The following INPP4B variants were observed in gnomAD, a reference collection of about 807,000 sequenced individuals.
INPP4B encodes the protein inositol polyphosphate 4-phosphatase type II.
A neutral mutation model predicts 122.5 loss-of-function variants in INPP4B; 55 were observed. That is an observed-to-expected ratio of 0.45 (90% CI 0.36 to 0.56). The LOEUF (loss-of-function observed/expected upper bound fraction) is 0.56. INPP4B is among the 20% of genes least tolerant of loss of function. The probability of loss-of-function intolerance (pLI) is 0.00; values close to 1 mark genes in which losing one functional copy is unlikely to be tolerated. For missense variants in INPP4B, 1,000 were observed against 1,097.7 expected (o/e 0.91, Z 1.26); for synonymous variants, 403 against 388.7 (o/e 1.04, Z -0.43).
chr4:142,776,264 G>A (rs1773902723), intron 1 of INPP4B, among the ~76,000 whole-genome samples: 1 of 152,138 alleles, frequency 6.6e-6, no homozygotes, highest in African/African-American at 2.4e-5. Flanking sequence ...AAGTAGTGCT[G>A]CTCAGTATGT....
intron 7 of INPP4B, among the ~76,000 whole-genome samples, chr4:142,343,124 T>C (rs187418269): frequency 2.0e-5 from 3 of 152,238 alleles, no homozygotes; most frequent in Admixed American, 2.0e-4. Flanking sequence ...ATAAGAATCA[T>C]CATCAAAAAG....
intron 12 of INPP4B, among the ~76,000 whole-genome samples, chr4:142,221,002 G>A (rs1410045723): frequency 6.6e-6 from 1 of 152,038 alleles, no homozygotes; most frequent in Admixed American, 6.5e-5. Flanking sequence ...TAGTACTGGG[G>A]CTAGGGCTTC....
At chr4:142,844,675 C>T (rs1783969036) in intron 1 of INPP4B, among the ~76,000 whole-genome samples, 1 of 152,216 alleles carries the variant, frequency 6.6e-6, no homozygotes, top group South Asian at 2.1e-4. Context: ...TGCCCACTTG[C>T]CCAGTCCTTG....
intron 15 of INPP4B, among the ~76,000 whole-genome samples, chr4:142,188,158 T>C (rs1375843453): frequency 6.6e-6 from 1 of 152,084 alleles, no homozygotes; most frequent in Non-Finnish European, 1.5e-5. Flanking sequence ...TATTAAAATA[T>C]ATATCAATAA....
At chr4:142,091,400 G>A (rs1257593933) in intron 23 of INPP4B, among the ~76,000 whole-genome samples, 2 of 152,158 alleles carry the variant, frequency 1.3e-5, no homozygotes, top group Non-Finnish European at 2.9e-5. Flanking sequence ...TCATTGACCA[G>A]TAATGGAAAA....
At chr4:142,627,684 T>A (rs1314147834) in intron 2 of INPP4B, among the ~76,000 whole-genome samples, 17 of 151,474 alleles carry the variant, frequency 1.1e-4, no homozygotes, top group Non-Finnish European at 1.3e-4. Flanking sequence ...TTTTCACGAA[T>A]GTTCATCAAG....
intron 11 of INPP4B, among the ~76,000 whole-genome samples, chr4:142,242,838 G>A (rs1860165636): frequency 6.6e-6 from 1 of 152,170 alleles, no homozygotes; most frequent in Admixed American, 6.5e-5. Context: ...ACAGTAGTCT[G>A]TTTAGTGGTC....
intron 2 of INPP4B, among the ~76,000 whole-genome samples, chr4:142,700,061 A>T (rs1190706829): frequency 6.6e-6 from 1 of 152,158 alleles, no homozygotes; most frequent in Admixed American, 6.5e-5. Flanking sequence ...CTCCCTGTAT[A>T]GTAAAGCATC....
chr4:142,107,736 A>G (rs920092145), intron 23 of INPP4B, among the ~76,000 whole-genome samples: 3 of 152,138 alleles, frequency 2.0e-5, no homozygotes, highest in African/African-American at 7.2e-5. Context: ...TTATAAATGG[A>G]GACTTAAATC....
At chr4:142,106,003 A>G (rs897980304) in intron 23 of INPP4B, among the ~76,000 whole-genome samples, 1 of 152,186 alleles carries the variant, frequency 6.6e-6, no homozygotes, top group Non-Finnish European at 1.5e-5. Flanking sequence ...GAATAAACCC[A>G]TATGTCATCA....
intron 7 of INPP4B, among the ~76,000 whole-genome samples, chr4:142,399,195 T>C (rs1228268819): frequency 1.8e-4 from 22 of 122,728 alleles, no homozygotes; most frequent in African/African-American, 6.8e-4. Context: ...TTTGCTTTTT[T>C]TTTTTTTTTT....
intron 16 of INPP4B, among the ~76,000 whole-genome samples, chr4:142,168,666 C>G (rs747895231): frequency 2.6e-5 from 4 of 151,638 alleles, no homozygotes; most frequent in Non-Finnish European, 5.9e-5. Flanking sequence ...GTGTGACCAC[C>G]AGGAATTGTT....
At chr4:142,058,906 G>A (rs1759139239) in intron 25 of INPP4B, among the ~76,000 whole-genome samples, 1 of 152,078 alleles carries the variant, frequency 6.6e-6, no homozygotes, top group South Asian at 2.1e-4. Flanking sequence ...GAAAGATTAT[G>A]TTTTCGTTTT....
chr4:142,124,855 T>A, intron 18 of INPP4B, 95 bp from the exon 19 acceptor site: 1 of 916,830 alleles, frequency 1.1e-6, no homozygotes, highest in Non-Finnish European at 1.5e-6. Flanking sequence ...AATTTTTCAG[T>A]AAGTTAGACA....
rs75800585 is a variant in INPP4B at position 142,184,695 on chromosome 4, G to A, written c.1181+8392C>T. 3.0e-3 allele frequency among the ~76,000 whole-genome samples: 452 copies of A among 152,288 alleles called. 1 individual carries two copies. The highest frequency in any genetic ancestry group is 0.01 in the African/African-American group (418 of 41,544). The stretch of plus-strand genomic sequence containing the variant: ...CAGTCTAGAGGGATTTTGTACACTG[G>A]AGACTTAAAGCAGACTTGGCTTAGA... On this transcript the variant is annotated intron_variant, in intron 15 of 25. Transcript: ENST00000262992.
chr4:142,545,737 A>ACGTGTG (rs1829509746), intron 2 of INPP4B, among the ~76,000 whole-genome samples: 1 of 100,670 alleles, frequency 9.9e-6, no homozygotes. Context: ...ATATACACAT[A>ACGTGTG]TATGTGTATA....
intron 12 of INPP4B, among the ~76,000 whole-genome samples, chr4:142,226,915 A>C (rs1299521091): frequency 6.6e-6 from 1 of 152,326 alleles, no homozygotes; most frequent in South Asian, 2.1e-4. Flanking sequence ...GAACTGAGAT[A>C]GGAACTAATT....
intron 7 of INPP4B, among the ~76,000 whole-genome samples, chr4:142,385,966 C>T (rs1795837003): frequency 6.6e-6 from 1 of 152,050 alleles, no homozygotes; most frequent in Admixed American, 6.6e-5. Context: ...TACATTATTA[C>T]TAATTATAGT....
chr4:142,547,935 A>T (rs1157987817), intron 2 of INPP4B, among the ~76,000 whole-genome samples: 1 of 152,166 alleles, frequency 6.6e-6, no homozygotes, highest in Non-Finnish European at 1.5e-5. Flanking sequence ...TTATGAATTT[A>T]TTGCCACCAT....
Sources: gnomAD v4.1 joint callset for allele counts (sites outside exome capture counted in the v4.1 genomes callset) on GRCh38, gnomAD v4.1.1 for gene constraint, MANE v1.5 for transcripts, NCBI Gene and HGNC (gene_info 2026-07-23, HGNC 2026-07-21) for gene names.